The following SEC14L5 variants were observed in gnomAD, a reference collection of about 807,000 sequenced individuals.
The protein encoded by SEC14L5 is SEC14 like lipid binding 5, also known as SEC14-like protein 5.
Under a neutral mutation model 84.6 loss-of-function variants are expected in SEC14L5, and 96 were observed. That is an observed-to-expected ratio of 1.13 (90% confidence interval 0.96 to 1.34). SEC14L5 has a LOEUF of 1.34. SEC14L5 is among the 40% of genes most tolerant of loss of function. SEC14L5 has a pLI of 0.00. For synonymous variants in SEC14L5, 546 were observed against 383.4 expected (o/e 1.42, Z -4.95); for missense variants, 1,224 against 942.5 (o/e 1.30, Z -3.91).
In SEC14L5 at chr16:5,017,652, A is replaced by C. The variant is rs931516837; in HGVS notation, c.*2682A>C. 2.6e-5 allele frequency: 4 copies of C among 152,248 alleles called. No individual in the cohort carries two copies. The highest frequency in any genetic ancestry group is 9.6e-5 in the African/African-American group (4 of 41,458). The allele number at this position is 152,248 out of a possible 1,614,324, so 9.4% of individuals were successfully genotyped here. Reference sequence around the variant, plus strand: ...GTCCCGTGATTGACATTCCCTGCAGAAGCCGCAGCAGGATTGGGGAGGGCC... The same window carrying C: ...GTCCCGTGATTGACATTCCCTGCAGCAGCCGCAGCAGGATTGGGGAGGGCC... On this transcript the variant is annotated 3_prime_UTR_variant, in exon 16 of 16. Transcript: ENST00000251170.
intron 6 of SEC14L5, among the ~76,000 whole-genome samples, chr16:4,994,397 G>A (rs1470588733): frequency 6.6e-6 from 1 of 152,048 alleles, no homozygotes; most frequent in Non-Finnish European, 1.5e-5. Context: ...AGGCTGGAGT[G>A]CAGTGGTGTG....
chr16:4,973,680 C>CTTTTTTTTTTTTTTTTTTTTTTTT (rs34324146), intron 2 of SEC14L5, among the ~76,000 whole-genome samples: 1 of 127,110 alleles, frequency 7.9e-6, no homozygotes, highest in Non-Finnish European at 1.6e-5. Flanking sequence ...TTCTCTGTCT[C>CTTTTTTTTTTTTTTTTTTTTTTTT]TTTTTTTTTT....
intron 13 of SEC14L5, 120 bp downstream of exon 13, chr16:5,007,606 C>CTTT (rs377374416): frequency 2.2e-4 from 124 of 562,718 alleles, no homozygotes; most frequent in Non-Finnish European, 2.9e-4. Context: ...TTCTTTCTTT[C>CTTT]TTTTTTTTTT....
intron 11 of SEC14L5, among the ~76,000 whole-genome samples, chr16:5,004,901 C>T (rs1233998943): frequency 6.6e-6 from 1 of 152,144 alleles, no homozygotes; most frequent in Non-Finnish European, 1.5e-5. Flanking sequence ...AGCATTCGTC[C>T]ATAAGAAGGA....
At chr16:4,982,298 C>G (rs1419392875) in intron 2 of SEC14L5, among the ~76,000 whole-genome samples, 2 of 152,196 alleles carry the variant, frequency 1.3e-5, no homozygotes, top group Non-Finnish European at 2.9e-5. Context: ...TTTTTGGAGC[C>G]TGCCTTGATC....
intron 15 of SEC14L5, 64 bp from the exon 16 acceptor site, chr16:5,014,795 G>T: frequency 7.8e-7 from 1 of 1,280,282 alleles, no homozygotes; most frequent in Non-Finnish European, 1.1e-6. Context: ...TTCCACTGCT[G>T]TGTGTCAGCC....
intron 6 of SEC14L5, among the ~76,000 whole-genome samples, chr16:4,993,478 G>A (rs574200722): frequency 6.6e-6 from 1 of 152,304 alleles, no homozygotes; most frequent in African/African-American, 2.4e-5. Context: ...CTGACCTCAG[G>A]TGATCCACCT....
Position 4,958,357 on chromosome 16 carries a change from C to T in SEC14L5, c.-140C>T, listed in dbSNP as rs1245165530. 1 of 152,650 alleles carries T rather than the reference C, an allele frequency of 6.6e-6. No individual in the cohort carries two copies. Among genetic ancestry groups the T allele is most frequent in the Non-Finnish European group, 1.5e-5 (1 of 68,166 alleles). The allele number at this position is 152,650 out of a possible 1,614,324, so 9.5% of individuals were successfully genotyped here. On this transcript the variant is annotated 5_prime_UTR_variant, in exon 1 of 16. Coordinates refer to ENST00000251170, the MANE Select transcript of SEC14L5 (RefSeq NM_014692.2). ...CTCGGCCCGGCAGGTTTCGCTCCCGCCCCTCCGGCCTTCCACAGCTGTCCT... is the reference window on the plus strand; with the variant it reads ...CTCGGCCCGGCAGGTTTCGCTCCCGTCCCTCCGGCCTTCCACAGCTGTCCT...
chr16:4,971,725 T>A (rs1482588012), intron 2 of SEC14L5, among the ~76,000 whole-genome samples: 2 of 152,202 alleles, frequency 1.3e-5, no homozygotes, highest in African/African-American at 4.8e-5. Flanking sequence ...GGGAGACCGG[T>A]ACTTATGTGA....
chr16:4,982,139 A>C (rs896165473), intron 2 of SEC14L5, among the ~76,000 whole-genome samples: 3 of 152,118 alleles, frequency 2.0e-5, no homozygotes, highest in African/African-American at 7.2e-5. Flanking sequence ...GGTGGAGGAC[A>C]GGCAGGCTGG....
intron 8 of SEC14L5, among the ~76,000 whole-genome samples, chr16:4,999,317 A>G (rs2142516682): frequency 6.6e-6 from 1 of 152,254 alleles, no homozygotes; most frequent in East Asian, 1.9e-4. Flanking sequence ...CTTAAACAGA[A>G]ACACAAGCCG....
chr16:5,010,505 T>C (rs1955787679), intron 14 of SEC14L5, among the ~76,000 whole-genome samples: 1 of 152,084 alleles, frequency 6.6e-6, no homozygotes, highest in South Asian at 2.1e-4. Context: ...AAATGACACA[T>C]GCACACACGC....
At chr16:5,013,553 T>C (rs1416635914) in intron 15 of SEC14L5, among the ~76,000 whole-genome samples, 1 of 129,736 alleles carries the variant, frequency 7.7e-6, no homozygotes, top group Non-Finnish European at 1.7e-5. Context: ...TGCCTGGCTT[T>C]TTTTTTTTTT....
chr16:5,009,645 A>G (rs1285683515), intron 14 of SEC14L5, among the ~76,000 whole-genome samples: 1 of 152,072 alleles, frequency 6.6e-6, no homozygotes, highest in Non-Finnish European at 1.5e-5. Context: ...CCTTAACCAC[A>G]AAGACTCTAT....
chr16:4,987,830 G>T (rs1489020626), intron 3 of SEC14L5, 124 bp downstream of exon 3: 7 of 742,700 alleles, frequency 9.4e-6, no homozygotes, highest in Non-Finnish European at 1.1e-5. Context: ...CGTGTGAGTT[G>T]ATATTTGGAT....
At chr16:4,993,864 A>G (rs1378015678) in intron 6 of SEC14L5, among the ~76,000 whole-genome samples, 1 of 152,144 alleles carries the variant, frequency 6.6e-6, no homozygotes, top group East Asian at 1.9e-4. Context: ...AAACATCTCA[A>G]ACTTCTGAAA....
intron 7 of SEC14L5, 63 bp downstream of exon 7, chr16:4,996,523 T>G (rs958202504): frequency 4.8e-5 from 40 of 830,928 alleles, no homozygotes; most frequent in Non-Finnish European, 7.8e-5. Context: ...TCAGCCTCCG[T>G]GCATGGGAAG....
intron 2 of SEC14L5, among the ~76,000 whole-genome samples, chr16:4,970,350 A>G (rs1955259926): frequency 1.3e-5 from 2 of 152,278 alleles, no homozygotes; most frequent in East Asian, 1.9e-4. Flanking sequence ...GGTTTAGCCT[A>G]TGCAAAGGCC....
intron 13 of SEC14L5, among the ~76,000 whole-genome samples, 187 bp from the exon 14 acceptor site, chr16:5,008,234 C>T (rs1955755874): frequency 6.6e-6 from 1 of 152,044 alleles, no homozygotes; most frequent in Non-Finnish European, 1.5e-5. Flanking sequence ...GATTCTTATG[C>T]CAGTGATCTG....
Sources: gnomAD v4.1 joint callset for allele counts (sites outside exome capture counted in the v4.1 genomes callset) on GRCh38, gnomAD v4.1.1 for gene constraint, MANE v1.5 for transcripts, NCBI Gene and HGNC (gene_info 2026-07-23, HGNC 2026-07-21) for gene names.